Variants in CDH13 observed in about 807,000 individuals in gnomAD.
CDH13 encodes the protein cadherin-13.
A neutral mutation model predicts 63.8 loss-of-function variants in CDH13; 24 were observed. The ratio of observed to expected loss-of-function variants is 0.38; its 90% CI spans 0.27 to 0.53. The LOEUF (loss-of-function observed/expected upper bound fraction) is 0.53, where lower values mean the gene tolerates loss of function less well. Ranked by LOEUF, CDH13 falls within the 20% of genes least tolerant of loss-of-function variation. CDH13 has a pLI of 0.85. For synonymous variants in CDH13, 503 were observed against 355.3 expected, an observed-to-expected ratio of 1.42 and a Z score of -4.67; for missense variants, 1,049 against 903.1, an observed-to-expected ratio of 1.16 and a Z score of -2.07.
chr16:83,587,351 A>G (rs74035205), intron 7 of CDH13, among the ~76,000 whole-genome samples: 6,774 of 152,214 alleles, frequency 0.045, 497 homozygotes, highest in African/African-American at 0.16. Flanking sequence ...AAAGGTTGTA[A>G]AGCTGGAATG....
intron 1 of CDH13, among the ~76,000 whole-genome samples, chr16:82,629,565 A>G (rs1387328991): frequency 6.6e-6 from 1 of 152,254 alleles, no homozygotes; most frequent in Non-Finnish European, 1.5e-5. Context: ...ACAATGTAAT[A>G]AAACAAATTA....
intron 6 of CDH13, among the ~76,000 whole-genome samples, chr16:83,428,870 T>A (rs996468294): frequency 6.6e-6 from 1 of 152,248 alleles, no homozygotes; most frequent in African/African-American, 2.4e-5. Context: ...TCAGGCACTA[T>A]TCTTGGTTTA....
intron 10 of CDH13, among the ~76,000 whole-genome samples, chr16:83,738,163 A>G (rs1176466554): frequency 6.6e-6 from 1 of 152,188 alleles, no homozygotes; most frequent in Non-Finnish European, 1.5e-5. Context: ...TTAAATAACC[A>G]TTTGTGTAAT....
intron 4 of CDH13, among the ~76,000 whole-genome samples, chr16:83,136,258 C>T (rs1452803625): frequency 6.6e-6 from 1 of 151,244 alleles, no homozygotes; most frequent in South Asian, 2.1e-4. Flanking sequence ...CCGAGGCAGG[C>T]GGATCATGAG....
rs879718720 is a variant in CDH13, at chr16:83,285,922, G to C, written c.637-58940G>C. Among the ~76,000 whole-genome samples the C allele has an allele frequency of 4.7e-4, 71 of 152,328 alleles. 1 individual carries two copies. Among genetic ancestry groups the C allele is most frequent in the African/African-American group, 1.7e-3 (70 of 41,578 alleles). ...AAGTGGGACAAGGGTGTGGACCAAA[G>C]AAACAGACCAAGGAGCGTGGGCGAA... On this transcript the variant is annotated intron_variant, in intron 5 of 13. Transcript: ENST00000567109.
intron 1 of CDH13, among the ~76,000 whole-genome samples, chr16:82,733,519 T>A (rs892009095): frequency 3.7e-4 from 55 of 148,204 alleles, no homozygotes; most frequent in Admixed American, 3.7e-3. Flanking sequence ...AGAGCTCTCA[T>A]TAAGTGATAG....
intron 5 of CDH13, among the ~76,000 whole-genome samples, chr16:83,298,598 T>G (rs1376490325): frequency 6.6e-6 from 1 of 152,134 alleles, no homozygotes; most frequent in Non-Finnish European, 1.5e-5. Flanking sequence ...CTCCAAGAAG[T>G]AAGGACCTGT....
At chr16:83,429,629 G>A (rs1232007193) in intron 6 of CDH13, among the ~76,000 whole-genome samples, 2 of 152,122 alleles carry the variant, frequency 1.3e-5, no homozygotes, top group Non-Finnish European at 2.9e-5. Context: ...AACCTACTCA[G>A]AATGCTGAGG....
intron 8 of CDH13, among the ~76,000 whole-genome samples, chr16:83,623,269 C>T (rs1292567878): frequency 2.0e-5 from 3 of 152,184 alleles, no homozygotes; most frequent in Admixed American, 6.5e-5. Context: ...GGAAGCCATG[C>T]ATTTCCCTCG....
chr16:83,750,976 TAAAA>T (rs11297972), intron 11 of CDH13, among the ~76,000 whole-genome samples: 1 of 147,934 alleles, frequency 6.8e-6, no homozygotes, highest in Non-Finnish European at 1.5e-5. Flanking sequence ...CTTAACTATT[TAAAA>T]AAAAAAAAAA....
rs537020375 is a variant in CDH13, at chr16:82,662,832, T to C, written c.45+35695T>C. Among the ~76,000 whole-genome samples, 25 of 152,270 alleles carry C rather than the reference T, an allele frequency of 1.6e-4. 3 individuals are homozygous for C. Among genetic ancestry groups the C allele is most frequent in the African/African-American group, 5.5e-4 (23 of 41,556 alleles). On this transcript the variant is annotated intron_variant, in intron 1 of 13. Coordinates refer to ENST00000567109, the MANE Select transcript of CDH13 (RefSeq NM_001257.5). ...CATTTAGAAGATCAATGAGAAGATGTCCTCCAGGCCAGTGTGAGGTGGTAG... is the reference window on the plus strand; with the variant it reads ...CATTTAGAAGATCAATGAGAAGATGCCCTCCAGGCCAGTGTGAGGTGGTAG...
intron 9 of CDH13, among the ~76,000 whole-genome samples, chr16:83,672,626 G>A (rs1914611654): frequency 6.6e-6 from 1 of 151,540 alleles, no homozygotes; most frequent in Non-Finnish European, 1.5e-5. Context: ...GGTCTCACCA[G>A]GTTGGCCAGG....
chr16:83,151,327 A>G (rs1202303324), intron 4 of CDH13, among the ~76,000 whole-genome samples: 2 of 152,202 alleles, frequency 1.3e-5, no homozygotes, highest in Non-Finnish European at 2.9e-5. Flanking sequence ...CCTCACACCT[A>G]ATGAATTAAC....
intron 5 of CDH13, among the ~76,000 whole-genome samples, chr16:83,273,622 A>G (rs2088893118): frequency 6.6e-6 from 1 of 152,178 alleles, no homozygotes; most frequent in Non-Finnish European, 1.5e-5. Flanking sequence ...AATTCTTAAG[A>G]AGCCAACAGG....
chr16:83,258,079 A>C (rs967949485), intron 5 of CDH13, among the ~76,000 whole-genome samples: 1 of 152,258 alleles, frequency 6.6e-6, no homozygotes, highest in Non-Finnish European at 1.5e-5. Flanking sequence ...GTGATAAATT[A>C]AACTGAGTCT....
intron 4 of CDH13, among the ~76,000 whole-genome samples, chr16:83,181,478 T>A (rs1222032417): frequency 6.6e-6 from 1 of 152,208 alleles, no homozygotes; most frequent in Non-Finnish European, 1.5e-5. Context: ...TCTAACCACA[T>A]CTTGGGCTGT....
intron 1 of CDH13, among the ~76,000 whole-genome samples, chr16:82,784,072 GTAT>G (rs1346545955): frequency 1.3e-5 from 2 of 152,052 alleles, no homozygotes; most frequent in African/African-American, 4.8e-5. Context: ...GAATGCAAAT[GTAT>G]TAGTTCAGAT....
intron 10 of CDH13, among the ~76,000 whole-genome samples, chr16:83,704,429 A>G (rs1199490242): frequency 6.6e-6 from 1 of 152,084 alleles, no homozygotes; most frequent in African/African-American, 2.4e-5. Flanking sequence ...GTCAGGTCCT[A>G]GAAAAGAAAG....
chr16:83,174,691 A>G (rs2038055880), intron 4 of CDH13, among the ~76,000 whole-genome samples: 1 of 152,122 alleles, frequency 6.6e-6, no homozygotes, highest in Non-Finnish European at 1.5e-5. Context: ...TCACACTTCT[A>G]TAAAGACATA....
Sources: gnomAD v4.1 joint callset for allele counts (sites outside exome capture counted in the v4.1 genomes callset) on GRCh38, gnomAD v4.1.1 for gene constraint, MANE v1.5 for transcripts, NCBI Gene and HGNC (gene_info 2026-07-23, HGNC 2026-07-21) for gene names.